The following GMPR variants were observed in gnomAD, a reference collection of about 807,000 sequenced individuals.
The protein encoded by GMPR is GMP reductase 1.
In GMPR, 31 loss-of-function variants were observed where a neutral mutation model predicts 38.4. That is an observed-to-expected ratio of 0.81 (90% confidence interval 0.61 to 1.09). GMPR has a LOEUF of 1.09. GMPR is among the 50% of genes least tolerant of loss of function. The pLI is 0.00. For synonymous variants in GMPR, 162 were observed against 173.3 expected (o/e 0.93, Z 0.51); for missense variants, 468 against 453.7 (o/e 1.03, Z -0.29).
chr6:16,294,772 G>T (rs955735839), intron 8 of GMPR, among the ~76,000 whole-genome samples: 2 of 152,228 alleles, frequency 1.3e-5, no homozygotes, highest in African/African-American at 4.8e-5. Flanking sequence ...TCCGCAACAT[G>T]CAGGGCAGCC....
intron 8 of GMPR, among the ~76,000 whole-genome samples, chr6:16,293,397 C>T (rs1759875679): frequency 6.6e-6 from 1 of 152,210 alleles, no homozygotes; most frequent in African/African-American, 2.4e-5. Flanking sequence ...AGCCCTGAAC[C>T]ATCCTGGGTA....
chr6:16,275,355 A>C (rs548585372), intron 5 of GMPR, among the ~76,000 whole-genome samples: 1 of 152,256 alleles, frequency 6.6e-6, no homozygotes, highest in Admixed American at 6.5e-5. Flanking sequence ...CTGTGGGAAA[A>C]CGCACAGCTG....
intron 8 of GMPR, among the ~76,000 whole-genome samples, chr6:16,292,053 G>T (rs180905055): frequency 6.6e-6 from 1 of 152,340 alleles, no homozygotes; most frequent in East Asian, 1.9e-4. Flanking sequence ...TCTGCAGAGG[G>T]AAGTTGCCTG....
chr6:16,240,712 T>A (rs1236041517), intron 1 of GMPR, among the ~76,000 whole-genome samples: 1 of 152,232 alleles, frequency 6.6e-6, no homozygotes, highest in Non-Finnish European at 1.5e-5. Flanking sequence ...CATGCAACAC[T>A]TGGCTTCATA....
In GMPR at chr6:16,274,560, G is replaced by C. The variant is rs9396661; in HGVS notation, c.547+64G>C. The C allele has an allele frequency of 3.3e-6, 3 of 911,776 alleles. No homozygotes were observed. The South Asian group carries it at 3.9e-5, about 12-fold the overall frequency. The allele number at this position is 911,776 out of a possible 1,614,324, so 56.5% of individuals were successfully genotyped here. A position where few individuals can be genotyped will look rare whatever the true frequency, so the allele number is the denominator to read the frequency against. ...GGAAGAATGGGATCTGGGGCTTGCG[G>C]GGACTGCAGATCACTGGAGGGGATG... is the stretch of plus-strand genomic sequence containing the variant. On this transcript the variant is annotated intron_variant, in intron 5 of 8. Transcript: ENST00000259727.
chr6:16,254,683 T>G lies in GMPR; in HGVS notation c.413T>G (p.Phe138Cys), dbSNP rs756449366. ...GTGGCCAATGGGTATTCAGAACATT[T>G]TGTGGAATTCGTGAAACTTGTCCGT... Reference protein sequence around the residue: ...LDVANGYSEHFVEFVKLVRAK... With the variant: ...LDVANGYSEHCVEFVKLVRAK... Residue 138 changes from phenylalanine (F) to cysteine (C), a missense_variant, in exon 4 of 9, where the codon TTT becomes TGT. Phe to Cys is a radical substitution (Grantham distance 205, BLOSUM62 -2). Transcript: ENST00000259727. 2 of 1,614,028 alleles carry G rather than the reference T, an allele frequency of 1.2e-6. No individual in the cohort carries two copies. Among genetic ancestry groups the G allele is most frequent in the East Asian group, 4.5e-5 (2 of 44,892 alleles).
intron 7 of GMPR, among the ~76,000 whole-genome samples, chr6:16,288,596 C>T (rs927614302): frequency 6.6e-6 from 1 of 151,958 alleles, no homozygotes; most frequent in Non-Finnish European, 1.5e-5. Context: ...GCCCCCTGCT[C>T]CAAGGCCCCC....
intron 4 of GMPR, among the ~76,000 whole-genome samples, chr6:16,272,882 T>G (rs1272278228): frequency 2.0e-5 from 3 of 152,170 alleles, no homozygotes; most frequent in African/African-American, 7.2e-5. Context: ...CAAGCTCGTC[T>G]CAAACTCCTG....
chr6:16,285,184 C>T (rs1759655997), intron 6 of GMPR, among the ~76,000 whole-genome samples: 2 of 152,174 alleles, frequency 1.3e-5, no homozygotes, highest in Non-Finnish European at 2.9e-5. Flanking sequence ...ACACATTAAA[C>T]CAGCCCAAGT....
At chr6:16,243,582 G>C (rs993503888) in intron 1 of GMPR, among the ~76,000 whole-genome samples, 2 of 152,190 alleles carry the variant, frequency 1.3e-5, no homozygotes, top group Non-Finnish European at 2.9e-5. Flanking sequence ...ACTCAGACAG[G>C]TGTTACAGCT....
At chr6:16,250,995 G>A (rs55690717) in intron 3 of GMPR, among the ~76,000 whole-genome samples, 7,063 of 152,186 alleles carry the variant, frequency 0.046, 325 homozygotes, top group East Asian at 0.14. Context: ...TTCCTGGAAC[G>A]TTAACCATAA....
intron 6 of GMPR, among the ~76,000 whole-genome samples, chr6:16,284,130 T>A (rs1759627021): frequency 6.6e-6 from 1 of 152,188 alleles, no homozygotes; most frequent in African/African-American, 2.4e-5. Flanking sequence ...AAGCCATGTA[T>A]GAATAACACA....
At chr6:16,279,875 G>A (rs1759546148) in intron 6 of GMPR, among the ~76,000 whole-genome samples, 1 of 152,218 alleles carries the variant, frequency 6.6e-6, no homozygotes, top group South Asian at 2.1e-4. Context: ...CCTTGGGTCA[G>A]ATTGAAAGGG....
chr6:16,270,724 C>T (rs1759368262), intron 4 of GMPR, among the ~76,000 whole-genome samples: 1 of 152,236 alleles, frequency 6.6e-6, no homozygotes, highest in African/African-American at 2.4e-5. Context: ...GCTGTGCTGT[C>T]CCTCATGGTT....
In GMPR at chr6:16,290,450, G is replaced by A. The variant is rs372973464; in HGVS notation, c.698-12G>A. ...TCTGCTACTCGCTTTCATCCCCACC[G>A]TTGGCATTTAGGAGCTGGAGCAGAT... On this transcript the variant is annotated splice_polypyrimidine_tract_variant and intron_variant, in intron 7 of 8. Transcript: ENST00000259727. The A allele has an allele frequency of 6.8e-5, 110 of 1,612,696 alleles. No individual in the cohort carries two copies. In the African/African-American group the frequency reaches 9.9e-4, roughly 14 times the overall value.
intron 4 of GMPR, among the ~76,000 whole-genome samples, chr6:16,270,206 C>T (rs1759355590): frequency 1.3e-5 from 2 of 152,226 alleles, no homozygotes; most frequent in African/African-American, 4.8e-5. Context: ...CTCCTTGACA[C>T]AGAATTGTTG....
At chr6:16,281,888 T>G (rs1759580983) in intron 6 of GMPR, among the ~76,000 whole-genome samples, 1 of 152,216 alleles carries the variant, frequency 6.6e-6, no homozygotes, top group Non-Finnish European at 1.5e-5. Flanking sequence ...AGCAAATGAA[T>G]GGACTTAGTA....
chr6:16,253,387 G>A (rs1441194718), intron 3 of GMPR, among the ~76,000 whole-genome samples: 2 of 152,224 alleles, frequency 1.3e-5, no homozygotes, highest in African/African-American at 4.8e-5. Context: ...TCTGCAGGCT[G>A]TACAGGAAGC....
intron 3 of GMPR, among the ~76,000 whole-genome samples, chr6:16,250,847 G>A (rs1274422751): frequency 6.6e-6 from 1 of 151,588 alleles, no homozygotes; most frequent in East Asian, 1.9e-4. Flanking sequence ...TTCAAGGCCA[G>A]CCTGGTCAAC....
Sources: allele counts gnomAD v4.1 joint callset (sites outside exome capture counted in the v4.1 genomes callset), GRCh38; gene constraint gnomAD v4.1.1; transcripts MANE v1.5; gene names NCBI Gene and HGNC (gene_info 2026-07-23, HGNC 2026-07-21).